Variants in RDH13 observed in about 807,000 individuals in gnomAD.
RDH13 encodes the protein retinol dehydrogenase 13 (all-trans and 9-cis).
RDH13 carries 35 observed loss-of-function variants against 28.3 expected under a neutral mutation model. The observed-to-expected ratio is 1.24, with a 90% confidence interval of 0.95 to 1.64. The LOEUF (loss-of-function observed/expected upper bound fraction) is 1.64, where lower values mean the gene tolerates loss of function less well. RDH13 is among the 40% of genes most tolerant of loss of function. RDH13 has a pLI of 0.00. For synonymous variants in RDH13, 229 were observed against 198.5 expected (o/e 1.15, Z -1.29); for missense variants, 514 against 446.3 (o/e 1.15, Z -1.37).
intron 3 of RDH13, among the ~76,000 whole-genome samples, chr19:55,051,408 G>GT (rs1233290195): frequency 2.0e-5 from 3 of 151,412 alleles, no homozygotes; most frequent in Non-Finnish European, 4.4e-5. Context: ...CCAGCTTCTG[G>GT]TGTTTTGTTT....
At chr19:55,048,966 CAG>C (rs1361572623) in intron 3 of RDH13, among the ~76,000 whole-genome samples, 1 of 152,034 alleles carries the variant, frequency 6.6e-6, no homozygotes, top group East Asian at 1.9e-4. Context: ...GAAGGGAAAA[CAG>C]AGACAGAGAC....
Position 55,056,747 on chromosome 19 carries a change from G to C in RDH13, c.246C>G (p.Ile82Met), listed in dbSNP as rs1477196816. ...MEKCEAAAKD[I>M]RGETLNHHVN... is the part of the protein sequence containing the mutation. ...CATGGTGATTGAGGGTCTCCCCGCG[G>C]ATGTCCTTTGCTGCCGCCTCACACT... The change falls in exon 3 of 7, where the codon ATC becomes ATG. Residue 82 changes from isoleucine to methionine, a missense_variant. Coordinates refer to ENST00000415061, the MANE Select transcript of RDH13 (RefSeq NM_001145971.2). The C allele has an allele frequency of 6.2e-7, 1 of 1,614,112 alleles. No homozygotes were observed. The highest frequency in any genetic ancestry group is 2.2e-5 in the East Asian group (1 of 44,878).
intron 1 of RDH13, among the ~76,000 whole-genome samples, chr19:55,062,642 T>G (rs1444933176): frequency 2.0e-5 from 3 of 152,230 alleles, no homozygotes; most frequent in Non-Finnish European, 4.4e-5. Context: ...ATCGCGCCAC[T>G]GCACTCCAGC....
intron 3 of RDH13, among the ~76,000 whole-genome samples, chr19:55,056,094 C>T (rs145170763): frequency 2.3e-3 from 349 of 152,096 alleles, no homozygotes; most frequent in African/African-American, 7.8e-3. Flanking sequence ...ACGGAGGTTG[C>T]AGTGAGGCAA....
rs764172569 is a variant in RDH13 at position 55,048,524 on chromosome 19, T to C, written c.463A>G (p.Asn155Asp). The change falls in exon 5 of 7, where the codon AAC becomes GAC. Residue 155 changes from asparagine (N) to aspartate (D), a missense_variant. By Grantham distance (23) the Asn-to-Asp change is conservative (BLOSUM62 1). Coordinates refer to ENST00000415061, the MANE Select transcript of RDH13 (RefSeq NM_001145971.2). ...GCTTTCAGCTTGTCCAGCAGCAAGT[T>C]TGTCAAGAGAAAGTGACCTGGATTA... ...VNHLGHFLLTNLLLDKLKASA... is the reference protein window; with the variant it reads ...VNHLGHFLLTDLLLDKLKASA... 48 of 1,614,040 alleles carry C rather than the reference T, an allele frequency of 3.0e-5. No individual in the cohort carries two copies. The highest frequency in any genetic ancestry group is 3.8e-5 in the Non-Finnish European group (45 of 1,180,034).
rs1021482987 is a variant in RDH13 at position 55,048,545 on chromosome 19, G to T, written c.446-4C>A. On this transcript the variant is annotated splice_polypyrimidine_tract_variant and splice_region_variant and intron_variant, in intron 4 of 6. Coordinates refer to ENST00000415061, the MANE Select transcript of RDH13 (RefSeq NM_001145971.2). ...AAGTTTGTCAAGAGAAAGTGACCTG[G>T]ATTAAGGATGATGAAAAGGTCACTT... 1 of 1,613,954 alleles carries T rather than the reference G, an allele frequency of 6.2e-7. No homozygotes were observed. The highest frequency in any genetic ancestry group is 8.5e-7 in the Non-Finnish European group (1 of 1,179,816).
At position 55,048,776 on chromosome 19, in the gene RDH13, G is replaced by T. The variant is rs1196062096; in HGVS notation, c.341-13C>A. On this transcript the variant is annotated splice_polypyrimidine_tract_variant and intron_variant, in intron 3 of 6. Coordinates refer to ENST00000415061, the MANE Select transcript of RDH13 (RefSeq NM_001145971.2). ...ACTCGCTCCTCCTCTGGAAGAGAGG[G>T]GTGGAGGAGGAGACATCCCGGTGAG... The T allele has an allele frequency of 6.2e-7, 1 of 1,608,790 alleles. No homozygotes were observed. Among genetic ancestry groups the T allele is most frequent in the Admixed American group, 1.7e-5 (1 of 59,922 alleles).
chr19:55,047,946 C>T (rs1195005235), intron 5 of RDH13: 1 of 863,466 alleles, frequency 1.2e-6, no homozygotes, highest in Non-Finnish European at 1.6e-6. Flanking sequence ...GGCCTTTACC[C>T]TCCAGATGCC....
chr19:55,048,092 A>C, intron 5 of RDH13: 1 of 1,505,866 alleles, frequency 6.6e-7, no homozygotes, highest in Non-Finnish European at 8.9e-7. Context: ...GCAGCAGGGA[A>C]GGACATCTGA....
At chr19:55,040,487 A>C (rs1363166949), downstream of RDH13, 1 of 152,158 alleles carries the variant, frequency 6.6e-6, no homozygotes, top group Non-Finnish European at 1.5e-5. Flanking sequence ...AGGTGGTTAA[A>C]ATGAGAACTA....
rs4806637 is a variant in RDH13, at chr19:55,044,620, A to G, written c.*454T>C. The G allele has an allele frequency of 0.073, 11,930 of 164,538 alleles. 588 individuals are homozygous for G. Among genetic ancestry groups the G allele is most frequent in the East Asian group, 0.2 (1,192 of 5,828 alleles). 10.2% of individuals were successfully genotyped at this position (164,538 alleles called of 1,614,324 possible). On this transcript the variant is annotated 3_prime_UTR_variant, in exon 7 of 7. Coordinates refer to ENST00000415061, the MANE Select transcript of RDH13 (RefSeq NM_001145971.2). Reference sequence around the variant, plus strand: ...AGACAGCAGTTATTCTGAGCATCTCACTGCTGAAGAAACCAAGGCTCAGAG... The same window carrying G: ...AGACAGCAGTTATTCTGAGCATCTCGCTGCTGAAGAAACCAAGGCTCAGAG...
intron 3 of RDH13, among the ~76,000 whole-genome samples, chr19:55,051,828 G>A (rs1208042998): frequency 6.6e-6 from 1 of 151,798 alleles, no homozygotes. Flanking sequence ...CGCCGCCAGG[G>A]CTCAAACGAT....
At chr19:55,057,367 G>A (rs538921823) in intron 2 of RDH13, among the ~76,000 whole-genome samples, 58 of 151,720 alleles carry the variant, frequency 3.8e-4, no homozygotes, top group Non-Finnish European at 7.9e-4. Context: ...AATTGGTCGG[G>A]CACGGTGGCT....
chr19:55,062,071 C>G (rs1183889246), intron 1 of RDH13, among the ~76,000 whole-genome samples: 5 of 150,758 alleles, frequency 3.3e-5, no homozygotes, highest in African/African-American at 1.2e-4. Flanking sequence ...GAGCCGAGGT[C>G]GTGCCATTGC....
chr19:55,056,848 C>T (rs1329121845), intron 2 of RDH13, 40 bp from the exon 3 acceptor site: 1 of 1,549,000 alleles, frequency 6.5e-7, no homozygotes, highest in Admixed American at 1.8e-5. Flanking sequence ...ATTAATAATC[C>T]ACTCCTGGGT....
At chr19:55,061,048 C>T (rs1486427301) in intron 1 of RDH13, among the ~76,000 whole-genome samples, 2 of 152,090 alleles carry the variant, frequency 1.3e-5, no homozygotes, top group Non-Finnish European at 2.9e-5. Flanking sequence ...TCCTACAGAC[C>T]GCCACATTCC....
Position 55,045,051 on chromosome 19 carries a change from G to A in RDH13, c.*23C>T, listed in dbSNP as rs776813100. Reference sequence around the variant, plus strand: ...GTCCTCGGTCTGGAGGCGCCATCCTGGCTTTCAAATCTGCTCCAGAGGTTA... The same window carrying A: ...GTCCTCGGTCTGGAGGCGCCATCCTAGCTTTCAAATCTGCTCCAGAGGTTA... On this transcript the variant is annotated 3_prime_UTR_variant, in exon 7 of 7. Coordinates refer to ENST00000415061, the MANE Select transcript of RDH13 (RefSeq NM_001145971.2). 2 of 1,532,712 alleles carry A rather than the reference G, an allele frequency of 1.3e-6. No individual in the cohort carries two copies. The highest frequency in any genetic ancestry group is 1.8e-6 in the Non-Finnish European group (2 of 1,128,668). 94.9% of individuals were successfully genotyped at this position (1,532,712 alleles called of 1,614,324 possible).
At position 55,045,260 on chromosome 19, in the gene RDH13, G is replaced by A; in HGVS notation, c.810C>T (p.Pro270=). Residue 270 remains proline (P), a synonymous_variant, in exon 7 of 7, where the codon CCC becomes CCT. Coordinates refer to ENST00000415061, the MANE Select transcript of RDH13 (RefSeq NM_001145971.2). ...LVKSPELAAQ[P]STYLAVAEEL... is the part of the protein sequence containing the mutation. ...CCTCCGCCACGGCCAGGTATGTGCT[G>A]GGCTGGGCGGCCAGCTCGGGGCTCT... 6.2e-7 allele frequency: 1 copy of A among 1,613,204 alleles called. No individual in the cohort carries two copies. Among genetic ancestry groups the A allele is most frequent in the Non-Finnish European group, 8.5e-7 (1 of 1,180,018 alleles).
At chr19:55,057,310 A>G (rs941010445) in intron 2 of RDH13, among the ~76,000 whole-genome samples, 2 of 152,080 alleles carry the variant, frequency 1.3e-5, no homozygotes, top group African/African-American at 4.8e-5. Context: ...TCTAAGATTG[A>G]TTTTAAAGAT....
Sources: gnomAD v4.1 joint callset for allele counts (sites outside exome capture counted in the v4.1 genomes callset) on GRCh38, gnomAD v4.1.1 for gene constraint, MANE v1.5 for transcripts, NCBI Gene and HGNC (gene_info 2026-07-23, HGNC 2026-07-21) for gene names.